Variants in TPH2 observed in about 807,000 individuals in gnomAD.
The protein encoded by TPH2 is tryptophan hydroxylase 2, also known as tryptophan 5-hydroxylase 2.
TPH2 carries 27 observed loss-of-function variants against 59.1 expected under a neutral mutation model. That is an observed-to-expected ratio of 0.46 (90% CI 0.34 to 0.63). The LOEUF is 0.63. Among genes scored for constraint, TPH2 ranks in the 30% least tolerant of loss-of-function variants. The pLI, the probability that TPH2 is intolerant of heterozygous loss-of-function variation, is 0.01. For synonymous variants in TPH2, 220 were observed against 210.5 expected, an observed-to-expected ratio of 1.05 and a Z score of -0.39; for missense variants, 523 against 588.3, an observed-to-expected ratio of 0.89 and a Z score of 1.15.
At chr12:71,951,334 G>A (rs963488656) in intron 5 of TPH2, among the ~76,000 whole-genome samples, 11 of 152,114 alleles carry the variant, frequency 7.2e-5, no homozygotes, top group African/African-American at 2.7e-4. Context: ...TGTAAAGGTG[G>A]ATCCTTAGAG....
intron 6 of TPH2, among the ~76,000 whole-genome samples, chr12:71,975,401 A>G (rs894875368): frequency 1.3e-5 from 2 of 152,148 alleles, no homozygotes; most frequent in African/African-American, 4.8e-5. Flanking sequence ...GTGTACAAAA[A>G]CAGGCAGTGG....
chr12:71,952,533 C>A (rs1270205509), intron 5 of TPH2, among the ~76,000 whole-genome samples: 5 of 152,126 alleles, frequency 3.3e-5, no homozygotes, highest in African/African-American at 4.8e-5. Context: ...AGATTATAAC[C>A]TTAGGCTACT....
intron 8 of TPH2, among the ~76,000 whole-genome samples, chr12:72,015,464 T>C (rs1301752729): frequency 2.0e-5 from 3 of 151,808 alleles, no homozygotes; most frequent in Admixed American, 6.6e-5. Flanking sequence ...GGACTACAGG[T>C]GCCCACCACC....
chr12:71,988,102 A>G lies in TPH2; in HGVS notation c.942-6337A>G, dbSNP rs937576440. On this transcript the variant is annotated intron_variant, in intron 7 of 10. Coordinates refer to ENST00000333850, the MANE Select transcript of TPH2 (RefSeq NM_173353.4). ...ACAGAACATTTTTATCATTGCAGACAGTCCGATTGCACAGTGCTGCTCTAA... is the reference window on the plus strand; with the variant it reads ...ACAGAACATTTTTATCATTGCAGACGGTCCGATTGCACAGTGCTGCTCTAA... Among the ~76,000 whole-genome samples, 2 of 152,224 alleles carry G rather than the reference A, an allele frequency of 1.3e-5. 1 individual carries two copies. Among genetic ancestry groups the G allele is most frequent in the African/African-American group, 4.8e-5 (2 of 41,452 alleles).
chr12:71,962,771 T>G (rs1274528012), intron 5 of TPH2: 1 of 837,362 alleles, frequency 1.2e-6, no homozygotes, highest in Non-Finnish European at 1.4e-6. Flanking sequence ...CAAGCTGAGG[T>G]GCAGTGGCAC....
chr12:71,954,088 C>G (rs778604631), intron 5 of TPH2, among the ~76,000 whole-genome samples: 100 of 152,004 alleles, frequency 6.6e-4, no homozygotes, highest in Non-Finnish European at 1.1e-3. Context: ...TAAACACAAG[C>G]AGAGAAAAAT....
rs749333458 is a variant in TPH2, at chr12:71,961,698, T to A, written c.609-10821T>A. On this transcript the variant is annotated intron_variant, in intron 5 of 10. Transcript: ENST00000333850. ...CATTGTTGTTGCTGTTGATATTTAA[T>A]TTCATGATAGTTTTTGCAGATGAAA... is the stretch of plus-strand genomic sequence containing the variant. 3.7e-6 allele frequency: 5 copies of A among 1,349,788 alleles called. No individual in the cohort carries two copies. In the East Asian group the frequency reaches 2.3e-4, roughly 61 times the overall value. The allele number at this position is 1,349,788 out of a possible 1,614,324, so 83.6% of individuals were successfully genotyped here.
chr12:72,012,303 A>G lies in TPH2; in HGVS notation c.1069-10096A>G, dbSNP rs368154519. On this transcript the variant is annotated intron_variant, in intron 8 of 10. Transcript: ENST00000333850. ...ACTGGCAGTTTCTGTGTGGATTCGT[A>G]TGGGCTACACTGGGGAAGGGAGGAG... is the stretch of plus-strand genomic sequence containing the variant. Among the ~76,000 whole-genome samples the G allele has an allele frequency of 6.5e-4, 99 of 152,246 alleles. 1 individual carries two copies. The highest frequency in any genetic ancestry group is 2.2e-3 in the African/African-American group (93 of 41,522).
At chr12:71,983,874 T>C (rs1872358442) in intron 7 of TPH2, among the ~76,000 whole-genome samples, 1 of 151,984 alleles carries the variant, frequency 6.6e-6, no homozygotes, top group African/African-American at 2.4e-5. Flanking sequence ...GTGAGATGTC[T>C]CAGTGGTCTG....
chr12:71,993,895 G>A (rs940300955), intron 7 of TPH2, among the ~76,000 whole-genome samples: 3 of 152,116 alleles, frequency 2.0e-5, no homozygotes, highest in Non-Finnish European at 2.9e-5. Flanking sequence ...TTTCTGTAAA[G>A]GGCCAGCTAG....
At chr12:71,947,460 CA>C (rs1414112099) in intron 4 of TPH2, among the ~76,000 whole-genome samples, 2 of 150,276 alleles carry the variant, frequency 1.3e-5, no homozygotes, top group Non-Finnish European at 3.0e-5. Flanking sequence ...CCAGATTTAG[CA>C]AATAAATATC....
rs182230384 is a variant in TPH2 at position 71,939,344 on chromosome 12, C to T, written c.105+253C>T. Among the ~76,000 whole-genome samples, 15 of 140,230 alleles carry T rather than the reference C, an allele frequency of 1.1e-4. No homozygotes were observed. The East Asian group carries it at 2.5e-3, about 23-fold the overall frequency. The allele number at this position is 140,230 out of a possible 152,430, so 92.0% of individuals were successfully genotyped here. A position where few individuals can be genotyped will look rare whatever the true frequency, so the allele number is the denominator to read the frequency against. The stretch of plus-strand genomic sequence containing the variant: ...TTGTAAGTAGAGAGTTAAGAAGTTC[C>T]TGAACATTAAGAATGAGAGATTGTA... On this transcript the variant is annotated intron_variant, in intron 1 of 10. Coordinates refer to ENST00000333850, the MANE Select transcript of TPH2 (RefSeq NM_173353.4).
chr12:72,008,899 G>A (rs1352357482), intron 8 of TPH2, among the ~76,000 whole-genome samples: 1 of 152,052 alleles, frequency 6.6e-6, no homozygotes, highest in Non-Finnish European at 1.5e-5. Context: ...CTCTAAAAAA[G>A]GGATTACAAA....
chr12:72,013,393 G>C (rs1178517914), intron 8 of TPH2, among the ~76,000 whole-genome samples: 3 of 152,040 alleles, frequency 2.0e-5, no homozygotes, highest in African/African-American at 7.2e-5. Flanking sequence ...CCTGTGATCT[G>C]GTACATTCTG....
intron 7 of TPH2, among the ~76,000 whole-genome samples, chr12:71,982,013 G>GTGTTTTTTTTTTTTTTTTTTTTTTTT (rs1468983565): frequency 1.8e-5 from 1 of 55,672 alleles, no homozygotes; most frequent in Non-Finnish European, 4.1e-5. Flanking sequence ...CATATCATTC[G>GTGTTTTTTTTTTTTTTTTTTTTTTTT]TATTTTTTTT....
intron 8 of TPH2, among the ~76,000 whole-genome samples, chr12:72,003,417 G>A (rs1032028013): frequency 3.9e-5 from 6 of 152,148 alleles, no homozygotes; most frequent in Non-Finnish European, 7.4e-5. Flanking sequence ...TCTATTCCAA[G>A]TCATTACTTT....
intron 8 of TPH2, among the ~76,000 whole-genome samples, chr12:72,008,920 C>T (rs936295264): frequency 6.6e-6 from 1 of 152,070 alleles, no homozygotes; most frequent in African/African-American, 2.4e-5. Flanking sequence ...GCAGCATCTT[C>T]TGGTCTGGCT....
chr12:71,952,249 G>A (rs1871369421), intron 5 of TPH2, among the ~76,000 whole-genome samples: 1 of 152,150 alleles, frequency 6.6e-6, no homozygotes, highest in African/African-American at 2.4e-5. Flanking sequence ...AGAGTAAGAT[G>A]AAGGTGTGAT....
At chr12:71,987,051 T>G (rs1270155162) in intron 7 of TPH2, among the ~76,000 whole-genome samples, 1 of 152,180 alleles carries the variant, frequency 6.6e-6, no homozygotes, top group Non-Finnish European at 1.5e-5. Flanking sequence ...ACACGTTCTG[T>G]TTGTCTGGCA....
Sources: gnomAD v4.1 joint callset for allele counts (sites outside exome capture counted in the v4.1 genomes callset) on GRCh38, gnomAD v4.1.1 for gene constraint, MANE v1.5 for transcripts, NCBI Gene and HGNC (gene_info 2026-07-23, HGNC 2026-07-21) for gene names.